The following TAF2 variants were observed in gnomAD, a reference collection of about 807,000 sequenced individuals.
The protein encoded by TAF2 is transcription initiation factor TFIID subunit 2.
Under a neutral mutation model 138.5 loss-of-function variants are expected in TAF2, and 61 were observed. The ratio of observed to expected loss-of-function variants is 0.44; its 90% CI spans 0.36 to 0.54. The LOEUF (loss-of-function observed/expected upper bound fraction) is 0.54. Ranked by LOEUF, TAF2 falls within the 20% of genes least tolerant of loss-of-function variation. The pLI is 0.00. For missense variants in TAF2, 1,090 were observed against 1,427.9 expected (o/e 0.76, Z 3.81); for synonymous variants, 475 against 469.9 (o/e 1.01, Z -0.14).
At chr8:119,759,123 T>C (rs72688277) in intron 20 of TAF2, among the ~76,000 whole-genome samples, 2,448 of 152,080 alleles carry the variant, frequency 0.016, 31 homozygotes, top group Middle Eastern at 0.037. Context: ...AAAACAGAAA[T>C]GGAGAGAGAT....
In TAF2 at chr8:119,782,141, T is replaced by G. The variant is rs1822709132; in HGVS notation, c.2113-948A>C. ...AGATATAATTCTAATATTTTAACCT[T>G]ATGAGACAGAAACATCATCATGAAT... On this transcript the variant is annotated intron_variant, in intron 16 of 25. Transcript: ENST00000378164. Among the ~76,000 whole-genome samples, 3 of 152,192 alleles carry G rather than the reference T, an allele frequency of 2.0e-5. No individual in the cohort carries two copies. The South Asian group carries it at 6.2e-4, about 32-fold the overall frequency.
chr8:119,829,907 T>C (rs887708783), intron 2 of TAF2, among the ~76,000 whole-genome samples: 3 of 149,490 alleles, frequency 2.0e-5, no homozygotes, highest in African/African-American at 4.9e-5. Flanking sequence ...TCGCCCAGGC[T>C]GGAGTGCAGT....
At chr8:119,802,164 G>T in intron 5 of TAF2, 139 bp from the exon 6 acceptor site, 1 of 691,582 alleles carries the variant, frequency 1.4e-6, no homozygotes, top group Non-Finnish European at 2.4e-6. Flanking sequence ...GCTTTTTACT[G>T]TACAACCTGA....
chr8:119,795,193 C>T (rs557620007), intron 9 of TAF2, among the ~76,000 whole-genome samples: 81 of 152,134 alleles, frequency 5.3e-4, no homozygotes, highest in Non-Finnish European at 8.8e-5. Flanking sequence ...CAATTGCCCT[C>T]CTTAAACAGA....
chr8:119,799,924 G>T (rs1824128375), intron 6 of TAF2, among the ~76,000 whole-genome samples: 1 of 152,174 alleles, frequency 6.6e-6, no homozygotes, highest in Non-Finnish European at 1.5e-5. Context: ...ATTTTTTCAT[G>T]TGTCTGTTGG....
intron 17 of TAF2, 68 bp downstream of exon 17, chr8:119,780,985 A>G: frequency 7.0e-7 from 1 of 1,425,966 alleles, no homozygotes; most frequent in Admixed American, 2.1e-5. Flanking sequence ...CACATCTATT[A>G]TTTGAACAGT....
chr8:119,796,358 T>C (rs757571584), intron 8 of TAF2, among the ~76,000 whole-genome samples: 18 of 152,106 alleles, frequency 1.2e-4, no homozygotes, highest in African/African-American at 3.9e-4. Flanking sequence ...TAGTATAGAA[T>C]GTTCACAATT....
At chr8:119,814,737 C>CAAAAA (rs397795248) in intron 3 of TAF2, among the ~76,000 whole-genome samples, 3 of 86,488 alleles carry the variant, frequency 3.5e-5, no homozygotes, top group African/African-American at 4.9e-5. Flanking sequence ...ACCAAAAATA[C>CAAAAA]AAAAAAAAAA....
intron 12 of TAF2, 95 bp downstream of exon 12, chr8:119,789,497 T>C (rs1823268876): frequency 7.0e-7 from 1 of 1,428,852 alleles, no homozygotes; most frequent in Non-Finnish European, 9.8e-7. Flanking sequence ...TCATACTTCC[T>C]TGAGTCCCCC....
At chr8:119,761,711 A>G in intron 19 of TAF2, 1 of 152,578 alleles carries the variant, frequency 6.6e-6, no homozygotes, top group Non-Finnish European at 1.5e-5. Flanking sequence ...GAGGCAGGAG[A>G]ATCACTGGAA....
At chr8:119,775,712 T>G (rs902079021) in intron 18 of TAF2, among the ~76,000 whole-genome samples, 1 of 151,626 alleles carries the variant, frequency 6.6e-6, no homozygotes, top group Non-Finnish European at 1.5e-5. Context: ...CAAAAAAGAA[T>G]AATAAATAAA....
intron 25 of TAF2, 39 bp downstream of exon 25, chr8:119,742,495 T>C: frequency 6.2e-7 from 1 of 1,603,810 alleles, no homozygotes; most frequent in Non-Finnish European, 8.5e-7. Context: ...AGATTTGTTC[T>C]TGAACAAAAT....
At chr8:119,817,286 C>T (rs888476074) in intron 3 of TAF2, among the ~76,000 whole-genome samples, 9 of 152,192 alleles carry the variant, frequency 5.9e-5, no homozygotes, top group African/African-American at 2.2e-4. Flanking sequence ...AGGTGAGTAG[C>T]GGGTGAGCAA....
chr8:119,779,530 G>A (rs1028966362), intron 17 of TAF2, among the ~76,000 whole-genome samples: 9 of 151,980 alleles, frequency 5.9e-5, no homozygotes, highest in Admixed American at 2.0e-4. Flanking sequence ...CCATAAATTC[G>A]TGAAATGGTA....
chr8:119,789,450 A>G, intron 12 of TAF2, 142 bp downstream of exon 12: 2 of 1,006,280 alleles, frequency 2.0e-6, no homozygotes, highest in Non-Finnish European at 3.0e-6. Flanking sequence ...TTCACAGTTC[A>G]TCATTATTTC....
At chr8:119,780,805 A>G (rs1274017909) in intron 17 of TAF2, among the ~76,000 whole-genome samples, 3 of 151,744 alleles carry the variant, frequency 2.0e-5, no homozygotes, top group Non-Finnish European at 4.4e-5. Context: ...CATGGTGGTG[A>G]GCGCCTGTAG....
Position 119,791,674 on chromosome 8 carries a change from A to G in TAF2, c.1278-215T>C, listed in dbSNP as rs191107608. The stretch of plus-strand genomic sequence containing the variant: ...AAGGAAAATCTGAATAAATGGAAAC[A>G]AACACCAAGCTCCTAGATGGGAAGA... On this transcript the variant is annotated intron_variant, in intron 10 of 25. Coordinates refer to ENST00000378164, the MANE Select transcript of TAF2 (RefSeq NM_003184.4). The G allele has an allele frequency of 2.4e-3, 1,188 of 493,504 alleles. 12 individuals are homozygous for G. Among genetic ancestry groups the G allele is most frequent in the East Asian group, 8.3e-3 (228 of 27,614 alleles). The allele number at this position is 493,504 out of a possible 1,614,324, so 30.6% of individuals were successfully genotyped here.
In TAF2 at chr8:119,752,218, G is replaced by C. The variant is rs547677869; in HGVS notation, c.2878+3788C>G. ...AAAATTTTAGAAACAAAATGCTGAAGATAAAAATATATGAAAAATTAAACT... is the reference window on the plus strand; with the variant it reads ...AAAATTTTAGAAACAAAATGCTGAACATAAAAATATATGAAAAATTAAACT... On this transcript the variant is annotated intron_variant, in intron 22 of 25. Transcript: ENST00000378164. 2.6e-5 allele frequency among the ~76,000 whole-genome samples: 4 copies of C among 152,076 alleles called. No individual in the cohort carries two copies. In the South Asian group the frequency reaches 8.3e-4, roughly 32 times the overall value.
chr8:119,791,271 T>C (rs1049057083), intron 11 of TAF2, 53 bp downstream of exon 11: 1 of 1,597,224 alleles, frequency 6.3e-7, no homozygotes, highest in Non-Finnish European at 8.6e-7. Flanking sequence ...ACTCAGATTA[T>C]ACACATACAG....
Sources: gnomAD v4.1 joint callset for allele counts (sites outside exome capture counted in the v4.1 genomes callset) on GRCh38, gnomAD v4.1.1 for gene constraint, MANE v1.5 for transcripts, NCBI Gene and HGNC (gene_info 2026-07-23, HGNC 2026-07-21) for gene names.